CAMTA1: variants seen among roughly 807,000 people sequenced by gnomAD.
CAMTA1 encodes the protein calmodulin-binding transcription activator 1.
In CAMTA1, 27 loss-of-function variants were observed where a neutral mutation model predicts 170.9. That is an observed-to-expected ratio of 0.16 (90% confidence interval 0.12 to 0.22). CAMTA1 has a LOEUF of 0.22. CAMTA1 is among the 10% of genes least tolerant of loss of function. CAMTA1 has a pLI of 1.00. For synonymous variants in CAMTA1, 833 were observed against 891.5 expected (o/e 0.93, Z 1.17); for missense variants, 1,619 against 2,217.2 (o/e 0.73, Z 5.42).
In CAMTA1 at chr1:7,546,049, G is replaced by A. The variant is rs532428111; in HGVS notation, c.510+78148G>A. ...CAGCTCACTGCAAGCTCCACCTCCC[G>A]GGTTCACACCAGTCTCCTGCCTCAG... On this transcript the variant is annotated intron_variant, in intron 6 of 22. Transcript: ENST00000303635. Among the ~76,000 whole-genome samples, 11 of 150,266 alleles carry A rather than the reference G, an allele frequency of 7.3e-5. 1 individual carries two copies. The South Asian group carries it at 1.9e-3, about 26-fold the overall frequency.
chr1:7,762,488 C>G (rs1002915330), intron 22 of CAMTA1, among the ~76,000 whole-genome samples: 1 of 152,090 alleles, frequency 6.6e-6, no homozygotes, highest in Non-Finnish European at 1.5e-5. Context: ...TCTTTGGAGG[C>G]AATATAACAT....
chr1:6,825,667 T>C (rs930574004), intron 3 of CAMTA1, among the ~76,000 whole-genome samples: 1 of 152,220 alleles, frequency 6.6e-6, no homozygotes, highest in Admixed American at 6.5e-5. Context: ...TCCTTTCTAA[T>C]GAAGAAAGTT....
chr1:7,715,316 C>A (rs923035154), intron 11 of CAMTA1, among the ~76,000 whole-genome samples: 1 of 152,114 alleles, frequency 6.6e-6, no homozygotes, highest in Non-Finnish European at 1.5e-5. Flanking sequence ...TGGCTATTAA[C>A]GTTTTGTTCC....
At chr1:7,551,229 C>T (rs1304333865) in intron 6 of CAMTA1, among the ~76,000 whole-genome samples, 1 of 152,186 alleles carries the variant, frequency 6.6e-6, no homozygotes, top group Non-Finnish European at 1.5e-5. Context: ...GTGCTTATCA[C>T]ATCCTGTGCC....
chr1:6,987,669 C>T (rs773930804), intron 3 of CAMTA1, among the ~76,000 whole-genome samples: 2 of 152,240 alleles, frequency 1.3e-5, no homozygotes, highest in Non-Finnish European at 2.9e-5. Context: ...ATTTATAAAA[C>T]CCCTTACTTT....
At chr1:7,004,402 G>A (rs947833924) in intron 3 of CAMTA1, among the ~76,000 whole-genome samples, 1 of 152,200 alleles carries the variant, frequency 6.6e-6, no homozygotes, top group Non-Finnish European at 1.5e-5. Context: ...GTTGGCTTCT[G>A]GAAGGTTGAG....
Position 7,010,343 on chromosome 1 carries a change from C to A in CAMTA1, c.235-80961C>A, listed in dbSNP as rs917048998. ...GCCTCTGGGCTCTCTCTGGCCCTTG[C>A]TTGGTTGAGCTCAGCTGTGCTCAGT... On this transcript the variant is annotated intron_variant, in intron 3 of 22. Transcript: ENST00000303635. This position sits in a 1 kb window ranked among gnomAD's most constrained non-coding sequence, Gnocchi z 4.4. 6.6e-6 allele frequency among the ~76,000 whole-genome samples: 1 copy of A among 152,192 alleles called. No individual in the cohort carries two copies. Among genetic ancestry groups the A allele is most frequent in the Admixed American group, 6.5e-5 (1 of 15,286 alleles).
chr1:7,339,757 C>T lies in CAMTA1; in HGVS notation c.438+90131C>T, dbSNP rs534586346. Reference sequence around the variant, plus strand: ...GATTACAGGTGTGCACCACCATGCCCGGCTAATTTTTGTAATTTTAGTAGA... The same window carrying T: ...GATTACAGGTGTGCACCACCATGCCTGGCTAATTTTTGTAATTTTAGTAGA... On this transcript the variant is annotated intron_variant, in intron 5 of 22. Transcript: ENST00000303635. Among the ~76,000 whole-genome samples the T allele has an allele frequency of 4.6e-5, 7 of 152,110 alleles. No homozygotes were observed. In the East Asian group the frequency reaches 7.7e-4, roughly 17 times the overall value.
At chr1:7,166,301 C>CTT in intron 4 of CAMTA1, among the ~76,000 whole-genome samples, 1 of 152,010 alleles carries the variant, frequency 6.6e-6, no homozygotes, top group Admixed American at 6.5e-5. Flanking sequence ...CTCCTGACTG[C>CTT]GTGATCTGCC....
chr1:7,364,670 C>T (rs1473252081), intron 5 of CAMTA1, among the ~76,000 whole-genome samples: 4 of 151,902 alleles, frequency 2.6e-5, no homozygotes, highest in South Asian at 2.1e-4. Context: ...GAGGGGATGT[C>T]GAAGGTGAGA....
chr1:6,887,758 G>T lies in CAMTA1; in HGVS notation c.234+62548G>T. On this transcript the variant is annotated intron_variant, in intron 3 of 22. Transcript: ENST00000303635. The surrounding 1 kb of genome is among the most constrained non-coding windows in gnomAD (Gnocchi z 4.1). ...GAATGAAAGCTGGCAGAATTCGTAGGGAGAGCTTTCCCATCCTGCCAGCCC... is the reference window on the plus strand; with the variant it reads ...GAATGAAAGCTGGCAGAATTCGTAGTGAGAGCTTTCCCATCCTGCCAGCCC... 6.5e-7 allele frequency: 1 copy of T among 1,534,708 alleles called. No individual in the cohort carries two copies. Among genetic ancestry groups the T allele is most frequent in the South Asian group, 1.2e-5 (1 of 83,946 alleles).
At chr1:7,416,255 G>A (rs989637594) in intron 5 of CAMTA1, among the ~76,000 whole-genome samples, 130 of 152,102 alleles carry the variant, frequency 8.5e-4, no homozygotes, top group Admixed American at 4.6e-4. Flanking sequence ...TGCTCTTCTC[G>A]AGGAGTATCT....
intron 3 of CAMTA1, among the ~76,000 whole-genome samples, chr1:6,881,990 TA>T (rs1173211958): frequency 6.6e-6 from 1 of 151,892 alleles, no homozygotes; most frequent in Non-Finnish European, 1.5e-5. Flanking sequence ...TAAAATAAAA[TA>T]AAATAATCAC....
chr1:7,768,283 A>G lies in CAMTA1; in HGVS notation c.*1792A>G, dbSNP rs2150354481. The stretch of plus-strand genomic sequence containing the variant: ...GACGGCATGGTATATTACTATTTCC[A>G]CATAATGAGGAGCCAAAGAAATCTG... On this transcript the variant is annotated 3_prime_UTR_variant, in exon 23 of 23. Coordinates refer to ENST00000303635, the MANE Select transcript of CAMTA1 (RefSeq NM_015215.4). 6.5e-6 allele frequency: 1 copy of G among 152,856 alleles called. No homozygotes were observed. The highest frequency in any genetic ancestry group is 1.5e-5 in the Non-Finnish European group (1 of 68,034). 9.5% of individuals were successfully genotyped at this position (152,856 alleles called of 1,614,324 possible). A position where few individuals can be genotyped will look rare whatever the true frequency, so the allele number is the denominator to read the frequency against.
intron 3 of CAMTA1, among the ~76,000 whole-genome samples, chr1:6,944,892 T>A (rs183419121): frequency 1.3e-5 from 2 of 152,230 alleles, no homozygotes; most frequent in Non-Finnish European, 2.9e-5. Context: ...ATATTTAAGG[T>A]AGGCAAAGCT....
rs1308362160 is a variant in CAMTA1 at position 7,768,710 on chromosome 1, T to G, written c.*2219T>G. The G allele has an allele frequency of 1.3e-5, 2 of 152,718 alleles. No homozygotes were observed. Among genetic ancestry groups the G allele is most frequent in the African/African-American group, 2.4e-5 (1 of 41,416 alleles). 9.5% of individuals were successfully genotyped at this position (152,718 alleles called of 1,614,324 possible). A position where few individuals can be genotyped will look rare whatever the true frequency, so the allele number is the denominator to read the frequency against. ...GACAGCCCCACAACTAGTAGCCACC[T>G]GTACATTTGTAAACTGACCTGACTC... On this transcript the variant is annotated 3_prime_UTR_variant, in exon 23 of 23. Coordinates refer to ENST00000303635, the MANE Select transcript of CAMTA1 (RefSeq NM_015215.4).
In CAMTA1 at chr1:7,178,743, T is replaced by C. The variant is rs567771017; in HGVS notation, c.303-70748T>C. Among the ~76,000 whole-genome samples, 3 of 152,340 alleles carry C rather than the reference T, an allele frequency of 2.0e-5. No homozygotes were observed. In the East Asian group the frequency reaches 5.8e-4, roughly 29 times the overall value. ...AGTAGCCAAGCTGCAGAGAGCTCCCTGTAGCTGTTCTGGAGAATGAAGCCC... is the reference window on the plus strand; with the variant it reads ...AGTAGCCAAGCTGCAGAGAGCTCCCCGTAGCTGTTCTGGAGAATGAAGCCC... On this transcript the variant is annotated intron_variant, in intron 4 of 22. Coordinates refer to ENST00000303635, the MANE Select transcript of CAMTA1 (RefSeq NM_015215.4).
At chr1:7,329,980 A>C (rs1197594955) in intron 5 of CAMTA1, among the ~76,000 whole-genome samples, 4 of 152,166 alleles carry the variant, frequency 2.6e-5, no homozygotes, top group Non-Finnish European at 5.9e-5. Flanking sequence ...AACAACGGCC[A>C]CAGATAGATT....
intron 5 of CAMTA1, among the ~76,000 whole-genome samples, chr1:7,272,744 CT>C (rs1670038345): frequency 7.0e-6 from 1 of 142,274 alleles, no homozygotes; most frequent in Non-Finnish European, 1.5e-5. Flanking sequence ...AATTGGACCC[CT>C]GCCTCATACC....
Sources: gnomAD v4.1 joint callset for allele counts (sites outside exome capture counted in the v4.1 genomes callset) on GRCh38, gnomAD v4.1.1 for gene constraint, Gnocchi (gnomAD v3.1) non-coding constraint, MANE v1.5 for transcripts, NCBI Gene and HGNC (gene_info 2026-07-23, HGNC 2026-07-21) for gene names.